Variants in ARSB observed in about 807,000 individuals in gnomAD.
ARSB encodes arylsulfatase B.
ARSB carries 41 observed loss-of-function variants against 50.9 expected under a neutral mutation model. That is an observed-to-expected ratio of 0.81 (90% CI 0.63 to 1.04). The LOEUF (loss-of-function observed/expected upper bound fraction) is 1.04. Ranked by LOEUF, ARSB falls within the 50% of genes least tolerant of loss-of-function variation. The pLI, the probability that ARSB is intolerant of heterozygous loss-of-function variation, is 0.00. For synonymous variants in ARSB, 269 were observed against 284.8 expected (o/e 0.94, Z 0.56); for missense variants, 672 against 693.3 (o/e 0.97, Z 0.35).
At chr5:78,911,529 G>C (rs558078044) in intron 4 of ARSB, among the ~76,000 whole-genome samples, 2 of 131,630 alleles carry the variant, frequency 1.5e-5, no homozygotes, top group Non-Finnish European at 3.1e-5. Flanking sequence ...AGCTCAGATC[G>C]CACAACTGCA....
At chr5:78,971,783 T>C (rs900276589) in intron 1 of ARSB, among the ~76,000 whole-genome samples, 1 of 152,256 alleles carries the variant, frequency 6.6e-6, no homozygotes, top group Non-Finnish European at 1.5e-5. Context: ...TTGAGGATGA[T>C]AGTTAAGTTC....
chr5:78,924,993 A>G (rs1321325773), intron 4 of ARSB, among the ~76,000 whole-genome samples: 2 of 152,212 alleles, frequency 1.3e-5, no homozygotes, highest in Non-Finnish European at 2.9e-5. Flanking sequence ...TATGTTTTTC[A>G]AGGCCTCAAT....
intron 4 of ARSB, among the ~76,000 whole-genome samples, chr5:78,933,893 G>C (rs1750463354): frequency 6.6e-6 from 1 of 152,186 alleles, no homozygotes. Flanking sequence ...AAAAGTTAAA[G>C]AAGGAAGAAT....
chr5:78,863,973 C>T lies in ARSB; in HGVS notation c.1142+21611G>A, dbSNP rs190788972. 1.8e-4 allele frequency among the ~76,000 whole-genome samples: 28 copies of T among 151,884 alleles called. No homozygotes were observed. In the East Asian group the frequency reaches 5.5e-3, roughly 30 times the overall value. ...CATCTAAATTTAAAATCCCTTCATACATTCTCTTTAAAAACCATATTGATA... is the reference window on the plus strand; with the variant it reads ...CATCTAAATTTAAAATCCCTTCATATATTCTCTTTAAAAACCATATTGATA... On this transcript the variant is annotated intron_variant, in intron 5 of 7. Transcript: ENST00000264914.
chr5:78,927,058 C>A (rs1301763666), intron 4 of ARSB, among the ~76,000 whole-genome samples: 1 of 151,988 alleles, frequency 6.6e-6, no homozygotes, highest in Non-Finnish European at 1.5e-5. Context: ...ATTTTTGTAT[C>A]TTTTTGTACA....
chr5:78,964,605 T>G lies in ARSB; in HGVS notation c.501A>C (p.Gly167=). ...PTRRGFDTYF[G]YLLGSEDYYS... is the part of the protein sequence containing the mutation. ...AATAATCTTCACTACCCAGGAGATATCCTGCAAGAATGGAAGACGAAAATA... is the reference window on the plus strand; with the variant it reads ...AATAATCTTCACTACCCAGGAGATAGCCTGCAAGAATGGAAGACGAAAATA... The change falls in exon 3 of 8, where the codon GGA becomes GGC. Residue 167 remains glycine (G), a splice_region_variant and synonymous_variant. Coordinates refer to ENST00000264914, the MANE Select transcript of ARSB (RefSeq NM_000046.5). 6.2e-7 allele frequency: 1 copy of G among 1,613,162 alleles called. No homozygotes were observed. The highest frequency in any genetic ancestry group is 1.1e-5 in the South Asian group (1 of 91,068).
At chr5:78,854,248 T>C (rs1561461554) in intron 5 of ARSB, among the ~76,000 whole-genome samples, 1 of 152,244 alleles carries the variant, frequency 6.6e-6, no homozygotes, top group Non-Finnish European at 1.5e-5. Flanking sequence ...TTCATCATTA[T>C]TTCTTTCCTT....
At chr5:78,801,547 C>T (rs1302363259) in intron 6 of ARSB, among the ~76,000 whole-genome samples, 1 of 152,192 alleles carries the variant, frequency 6.6e-6, no homozygotes, top group African/African-American at 2.4e-5. Flanking sequence ...CACAGGTGCA[C>T]TCTCACTCAC....
intron 5 of ARSB, among the ~76,000 whole-genome samples, chr5:78,853,513 G>A (rs571212145): frequency 1.3e-5 from 2 of 152,348 alleles, no homozygotes; most frequent in Admixed American, 1.3e-4. Flanking sequence ...AGGGATCAGG[G>A]ACCCACTTGA....
intron 4 of ARSB, among the ~76,000 whole-genome samples, chr5:78,928,881 T>G (rs1351416509): frequency 6.6e-6 from 1 of 152,224 alleles, no homozygotes; most frequent in African/African-American, 2.4e-5. Flanking sequence ...CCATTTCTCC[T>G]GTGGTCTTGT....
chr5:78,827,896 G>A (rs555517730), intron 6 of ARSB, among the ~76,000 whole-genome samples: 3 of 151,342 alleles, frequency 2.0e-5, no homozygotes, highest in East Asian at 1.9e-4. Context: ...GAGAGTTTCC[G>A]GTCAAACAGG....
chr5:78,849,559 G>A (rs1392860992), intron 5 of ARSB, among the ~76,000 whole-genome samples: 1 of 151,866 alleles, frequency 6.6e-6, no homozygotes, highest in African/African-American at 2.4e-5. Context: ...GCTCTTTTTT[G>A]GTTCCATATG....
chr5:78,954,262 T>A (rs1262853927), intron 4 of ARSB, among the ~76,000 whole-genome samples: 1 of 152,116 alleles, frequency 6.6e-6, no homozygotes, highest in Non-Finnish European at 1.5e-5. Flanking sequence ...CATTTTCAGA[T>A]TGAAAGTGCT....
chr5:78,881,514 A>G (rs76400815), intron 5 of ARSB, among the ~76,000 whole-genome samples: 22,451 of 152,274 alleles, frequency 0.15, 1,741 homozygotes, highest in Middle Eastern at 0.2. Flanking sequence ...CCTACTTTTC[A>G]GTAAAATAAG....
intron 5 of ARSB, among the ~76,000 whole-genome samples, chr5:78,870,223 T>A (rs886176277): frequency 6.9e-6 from 1 of 144,762 alleles, no homozygotes; most frequent in African/African-American, 2.6e-5. Context: ...ACAGCCGAAT[T>A]CTACCAGAGG....
At chr5:78,781,004 CT>C (rs1205424572) in intron 7 of ARSB, among the ~76,000 whole-genome samples, 1 of 152,212 alleles carries the variant, frequency 6.6e-6, no homozygotes, top group Admixed American at 6.5e-5. Flanking sequence ...TCAAAAAAGA[CT>C]TGTCATATTG....
chr5:78,933,246 G>A (rs1750426737), intron 4 of ARSB, among the ~76,000 whole-genome samples: 1 of 152,178 alleles, frequency 6.6e-6, no homozygotes, highest in African/African-American at 2.4e-5. Context: ...ATGGATTGAA[G>A]AATGGGCCTG....
At chr5:78,979,671 C>A (rs1439083616) in intron 1 of ARSB, among the ~76,000 whole-genome samples, 3 of 152,172 alleles carry the variant, frequency 2.0e-5, no homozygotes, top group Non-Finnish European at 4.4e-5. Flanking sequence ...CCCAATAAAA[C>A]CCTGCTTTAC....
intron 2 of ARSB, among the ~76,000 whole-genome samples, chr5:78,966,245 A>C (rs67060391): frequency 0.14 from 21,363 of 152,300 alleles, 1,668 homozygotes; most frequent in Middle Eastern, 0.22. Flanking sequence ...TACTTGGCAA[A>C]ACTAATACCA....
Sources: allele counts gnomAD v4.1 joint callset (sites outside exome capture counted in the v4.1 genomes callset), GRCh38; gene constraint gnomAD v4.1.1; transcripts MANE v1.5; gene names NCBI Gene and HGNC (gene_info 2026-07-23, HGNC 2026-07-21).